The following PIGK variants were observed in gnomAD, a reference collection of about 807,000 sequenced individuals.
PIGK encodes the protein phosphatidylinositol glycan anchor biosynthesis class K, also known as GPI-anchor transamidase.
Under a neutral mutation model 50.6 loss-of-function variants are expected in PIGK, and 42 were observed. The observed-to-expected ratio is 0.83, with a 90% CI of 0.65 to 1.07. PIGK has a LOEUF of 1.07. Among genes scored for constraint, PIGK ranks in the 50% least tolerant of loss-of-function variants. PIGK has a pLI of 0.00. For missense variants in PIGK, 448 were observed against 488.7 expected (o/e 0.92, Z 0.78); for synonymous variants, 151 against 156.0 (o/e 0.97, Z 0.24).
intron 10 of PIGK, among the ~76,000 whole-genome samples, chr1:77,108,366 T>C (rs1653745453): frequency 6.6e-6 from 1 of 152,188 alleles, no homozygotes; most frequent in South Asian, 2.1e-4. Flanking sequence ...TTTGGCTGCA[T>C]ATGAAATTCT....
chr1:77,133,833 A>G (rs1291880542), intron 9 of PIGK, among the ~76,000 whole-genome samples: 1 of 152,196 alleles, frequency 6.6e-6, no homozygotes, highest in Non-Finnish European at 1.5e-5. Context: ...GAGATTTCTA[A>G]TATAATTTTC....
In PIGK at chr1:77,090,775, A is replaced by G. The variant is rs1436687471; in HGVS notation, c.*1599T>C. On this transcript the variant is annotated 3_prime_UTR_variant, in exon 11 of 11. Transcript: ENST00000370812. ...TGCAAGTTTATTTTCCCTTCTTTTC[A>G]TGTACAGAAAGATCCTTCACATAAT... 1 of 152,124 alleles carries G rather than the reference A, an allele frequency of 6.6e-6. No individual in the cohort carries two copies. Among genetic ancestry groups the G allele is most frequent in the Non-Finnish European group, 1.5e-5 (1 of 68,030 alleles). The allele number at this position is 152,124 out of a possible 1,614,324, so 9.4% of individuals were successfully genotyped here. A position where few individuals can be genotyped will look rare whatever the true frequency, so the allele number is the denominator to read the frequency against.
At chr1:77,156,648 T>C (rs760505153) in intron 8 of PIGK, among the ~76,000 whole-genome samples, 57 of 152,320 alleles carry the variant, frequency 3.7e-4, no homozygotes, top group Non-Finnish European at 6.6e-4. Context: ...AACTTCCATG[T>C]GTCTGCGGGT....
chr1:77,112,337 C>A (rs998584607), intron 10 of PIGK, among the ~76,000 whole-genome samples: 5 of 151,930 alleles, frequency 3.3e-5, no homozygotes, highest in African/African-American at 7.3e-5. Flanking sequence ...AAGTCAGTAT[C>A]TAAACTACTG....
chr1:77,135,500 A>G (rs1654479691), intron 9 of PIGK, among the ~76,000 whole-genome samples: 1 of 151,988 alleles, frequency 6.6e-6, no homozygotes, highest in Non-Finnish European at 1.5e-5. Flanking sequence ...ATTTTCAACT[A>G]TTTAATATCA....
chr1:77,204,724 G>C (rs370969359), intron 3 of PIGK, among the ~76,000 whole-genome samples: 16 of 152,108 alleles, frequency 1.1e-4, no homozygotes, highest in Middle Eastern at 3.4e-3. Flanking sequence ...GAAATATCAG[G>C]GGCTGATTCC....
At chr1:77,102,037 AG>A (rs1161622851) in intron 10 of PIGK, among the ~76,000 whole-genome samples, 1 of 152,188 alleles carries the variant, frequency 6.6e-6, no homozygotes, top group Non-Finnish European at 1.5e-5. Context: ...ATCATGTAAA[AG>A]ATAGAATTCC....
At chr1:77,187,272 T>C (rs147390155) in intron 3 of PIGK, among the ~76,000 whole-genome samples, 55 of 152,174 alleles carry the variant, frequency 3.6e-4, no homozygotes, top group African/African-American at 1.3e-3. Context: ...CAGCATCCAA[T>C]ATATGGTACT....
chr1:77,169,499 TA>T (rs947482814), intron 3 of PIGK, 104 bp from the exon 4 acceptor site: 356 of 835,122 alleles, frequency 4.3e-4, no homozygotes, highest in East Asian at 8.3e-4. Context: ...TTCTCCTCCT[TA>T]AAAAAAAATT....
At chr1:77,188,414 G>C (rs1655803620) in intron 3 of PIGK, among the ~76,000 whole-genome samples, 1 of 152,132 alleles carries the variant, frequency 6.6e-6, no homozygotes. Flanking sequence ...GGCTTATTAG[G>C]AAGAGGAAAT....
chr1:77,210,391 C>A, intron 2 of PIGK, 45 bp downstream of exon 2: 1 of 1,122,924 alleles, frequency 8.9e-7, no homozygotes. Flanking sequence ...TTCTCAGATA[C>A]ATATCTAATG....
chr1:77,092,265 A>C lies in PIGK; in HGVS notation c.*109T>G. On this transcript the variant is annotated 3_prime_UTR_variant, in exon 11 of 11. Transcript: ENST00000370812. ...TAGTTGATTCAAATTTAGTTTCCTT[A>C]TACTTATTTCCAATTCATACAAGAG... is the stretch of plus-strand genomic sequence containing the variant. 1.7e-6 allele frequency: 1 copy of C among 575,842 alleles called. No individual in the cohort carries two copies. The highest frequency in any genetic ancestry group is 3.2e-5 in the East Asian group (1 of 30,942). 35.7% of individuals were successfully genotyped at this position (575,842 alleles called of 1,614,324 possible).
At chr1:77,214,255 T>C (rs566815170) in intron 1 of PIGK, among the ~76,000 whole-genome samples, 11 of 152,140 alleles carry the variant, frequency 7.2e-5, no homozygotes, top group Admixed American at 2.6e-4. Flanking sequence ...CCAATACCCG[T>C]GATGAACATA....
chr1:77,191,283 T>C (rs986460542), intron 3 of PIGK, among the ~76,000 whole-genome samples: 2 of 152,242 alleles, frequency 1.3e-5, no homozygotes, highest in Non-Finnish European at 2.9e-5. Context: ...TCTTCATACA[T>C]TGCATACAGT....
rs1428125807 is a variant in PIGK, at chr1:77,124,622, A to C, written c.987-2263T>G. ...AGAGTCTCAAAACAAACAAACAACA[A>C]AAAAAAAAACACACACACGCAGCAA... On this transcript the variant is annotated intron_variant, in intron 9 of 10. Transcript: ENST00000370812. Among the ~76,000 whole-genome samples the C allele has an allele frequency of 1.1e-3, 153 of 145,248 alleles. 2 individuals carry two copies. Among genetic ancestry groups the C allele is most frequent in the African/African-American group, 3.8e-3 (144 of 37,872 alleles).
intron 3 of PIGK, among the ~76,000 whole-genome samples, chr1:77,199,418 A>G (rs2100581542): frequency 6.6e-6 from 1 of 152,162 alleles, no homozygotes; most frequent in Admixed American, 6.5e-5. Context: ...AGGAGACAAG[A>G]GAAGAACATT....
intron 10 of PIGK, among the ~76,000 whole-genome samples, chr1:77,120,578 T>A (rs1222406745): frequency 2.0e-5 from 3 of 152,196 alleles, no homozygotes; most frequent in Non-Finnish European, 4.4e-5. Flanking sequence ...GTAACTCTTA[T>A]GTTTCTAAAA....
intron 9 of PIGK, among the ~76,000 whole-genome samples, chr1:77,128,533 G>A (rs566338033): frequency 1.3e-5 from 2 of 152,276 alleles, no homozygotes; most frequent in South Asian, 2.1e-4. Context: ...AAAAATTATA[G>A]GCAGGCTTTC....
At position 77,154,578 on chromosome 1, in the gene PIGK, T is replaced by C. The variant is rs760555315; in HGVS notation, c.857A>G (p.His286Arg). ...ATCCCTCTGAAAAAGATCAGTGCGA[T>C]GTCCAGGAGTAGACACACACAGACT... ...PKSLCVSTPG[H>R]RTDLFQRDPK... The change falls in exon 9 of 11, where the codon CAT becomes CGT. Residue 286 changes from histidine (H) to arginine (R), a missense_variant. Physicochemically the swap from His to Arg is conservative, Grantham distance 29 (BLOSUM62 0). Transcript: ENST00000370812. The C allele has an allele frequency of 4.3e-6, 7 of 1,612,882 alleles. No homozygotes were observed. Among genetic ancestry groups the C allele is most frequent in the Non-Finnish European group, 5.1e-6 (6 of 1,179,176 alleles).
Sources: gnomAD v4.1 joint callset for allele counts (sites outside exome capture counted in the v4.1 genomes callset) on GRCh38, gnomAD v4.1.1 for gene constraint, MANE v1.5 for transcripts, NCBI Gene and HGNC (gene_info 2026-07-23, HGNC 2026-07-21) for gene names.